The following TMEM132B variants were observed in gnomAD, a reference collection of about 807,000 sequenced individuals.
TMEM132B encodes transmembrane protein 132B.
TMEM132B carries 18 observed loss-of-function variants against 90.8 expected under a neutral mutation model. The observed-to-expected ratio is 0.20, with a 90% confidence interval of 0.14 to 0.29. The LOEUF (loss-of-function observed/expected upper bound fraction) is 0.29. Among genes scored for constraint, TMEM132B ranks in the 10% least tolerant of loss-of-function variants. The pLI is 1.00. For missense variants in TMEM132B, 1,096 were observed against 1,326.8 expected (o/e 0.83, Z 2.70); for synonymous variants, 504 against 523.3 (o/e 0.96, Z 0.50).
chr12:125,395,003 T>C (rs1449372904), intron 2 of TMEM132B, among the ~76,000 whole-genome samples: 4 of 152,150 alleles, frequency 2.6e-5, no homozygotes, highest in Non-Finnish European at 1.5e-5. Flanking sequence ...AATGTACCCA[T>C]GTGACAAACC....
intron 1 of TMEM132B, among the ~76,000 whole-genome samples, chr12:125,314,085 G>A (rs139839002): frequency 1.5e-3 from 224 of 152,156 alleles, no homozygotes; most frequent in African/African-American, 5.0e-3. Flanking sequence ...CCTGGGCGGC[G>A]TGCGAACTCA....
chr12:125,340,875 C>T (rs1877157600), intron 1 of TMEM132B, among the ~76,000 whole-genome samples: 1 of 152,220 alleles, frequency 6.6e-6, no homozygotes, highest in Non-Finnish European at 1.5e-5. Context: ...ATGGAGCCCA[C>T]CAGAGGAGGC....
intron 5 of TMEM132B, among the ~76,000 whole-genome samples, chr12:125,632,642 G>T (rs545984786): frequency 1.8e-4 from 27 of 151,984 alleles, no homozygotes; most frequent in Non-Finnish European, 3.5e-4. Context: ...ATGTTTGAAG[G>T]ATATTTTGGC....
chr12:125,345,338 G>A (rs893396042), intron 1 of TMEM132B, among the ~76,000 whole-genome samples: 30 of 152,316 alleles, frequency 2.0e-4, no homozygotes, highest in Admixed American at 1.8e-3. Context: ...GAAAGGGACT[G>A]ATTTCTGAGT....
intron 1 of TMEM132B, among the ~76,000 whole-genome samples, chr12:125,198,616 T>C (rs563351205): frequency 4.1e-4 from 62 of 152,340 alleles, no homozygotes; most frequent in African/African-American, 1.4e-3. Flanking sequence ...TCGACCATAC[T>C]TAAGTCCGAA....
At chr12:125,531,387 C>G (rs1214911718) in intron 4 of TMEM132B, among the ~76,000 whole-genome samples, 1 of 152,124 alleles carries the variant, frequency 6.6e-6, no homozygotes, top group African/African-American at 2.4e-5. Flanking sequence ...CAAAGTCTCA[C>G]TATGTTGCCC....
At chr12:125,562,209 C>T (rs980865652) in intron 4 of TMEM132B, among the ~76,000 whole-genome samples, 1 of 152,210 alleles carries the variant, frequency 6.6e-6, no homozygotes, top group Non-Finnish European at 1.5e-5. Context: ...TTTTTTTCTG[C>T]AGCTTCCTCA....
At chr12:125,511,664 A>G (rs1882980773) in intron 3 of TMEM132B, among the ~76,000 whole-genome samples, 2 of 151,940 alleles carry the variant, frequency 1.3e-5, no homozygotes, top group Non-Finnish European at 2.9e-5. Context: ...CATCCTGGCT[A>G]ACATGGTGAA....
At chr12:125,234,347 G>A (rs963177717) in intron 1 of TMEM132B, among the ~76,000 whole-genome samples, 10 of 152,088 alleles carry the variant, frequency 6.6e-5, no homozygotes, top group Non-Finnish European at 1.3e-4. Flanking sequence ...TTTCCATGGC[G>A]CTTCCTCCCA....
At chr12:125,313,541 C>T (rs553954858) in intron 1 of TMEM132B, among the ~76,000 whole-genome samples, 5 of 88,534 alleles carry the variant, frequency 5.6e-5, no homozygotes, top group Non-Finnish European at 1.1e-4. Context: ...CTCCCATTTC[C>T]CCCTCCCCTC....
At chr12:125,270,976 G>A (rs1874824280) in intron 1 of TMEM132B, among the ~76,000 whole-genome samples, 1 of 151,560 alleles carries the variant, frequency 6.6e-6, no homozygotes, top group Non-Finnish European at 1.5e-5. Context: ...AAAGAGATAG[G>A]GCCTTGCTTT....
intron 5 of TMEM132B, among the ~76,000 whole-genome samples, chr12:125,601,465 G>A (rs1253364382): frequency 6.6e-6 from 1 of 152,160 alleles, no homozygotes; most frequent in South Asian, 2.1e-4. Context: ...AGCTAAAGGA[G>A]TGTTAAGAGG....
chr12:125,331,731 A>G (rs1876779627), intron 1 of TMEM132B, among the ~76,000 whole-genome samples: 1 of 152,154 alleles, frequency 6.6e-6, no homozygotes, highest in Admixed American at 6.5e-5. Flanking sequence ...TGAATCTATA[A>G]AATGGCTATA....
At chr12:125,451,590 A>C (rs1220829696) in intron 3 of TMEM132B, among the ~76,000 whole-genome samples, 1 of 150,760 alleles carries the variant, frequency 6.6e-6, no homozygotes, top group Non-Finnish European at 1.5e-5. Context: ...TGAGAGCTCC[A>C]GTATTACATT....
chr12:125,456,429 G>A (rs1481791658), intron 3 of TMEM132B, among the ~76,000 whole-genome samples: 1 of 152,260 alleles, frequency 6.6e-6, no homozygotes, highest in East Asian at 1.9e-4. Context: ...GTCTAAAAAC[G>A]CCTCCTTGCA....
intron 2 of TMEM132B, among the ~76,000 whole-genome samples, chr12:125,373,167 AGT>A (rs1427674138): frequency 3.3e-5 from 5 of 152,196 alleles, no homozygotes; most frequent in Admixed American, 3.3e-4. Context: ...ATGTATCACC[AGT>A]GCCAAGAACT....
At chr12:125,610,841 G>A (rs1235685586) in intron 5 of TMEM132B, among the ~76,000 whole-genome samples, 2 of 152,004 alleles carry the variant, frequency 1.3e-5, no homozygotes, top group African/African-American at 2.4e-5. Context: ...TACTGATCTG[G>A]AATTTTCCTT....
At chr12:125,430,514 G>A (rs1269311776) in intron 3 of TMEM132B, among the ~76,000 whole-genome samples, 1 of 152,200 alleles carries the variant, frequency 6.6e-6, no homozygotes, top group Non-Finnish European at 1.5e-5. Flanking sequence ...GACTTTCTAG[G>A]CAGAGGGAAG....
intron 4 of TMEM132B, among the ~76,000 whole-genome samples, chr12:125,566,186 G>A (rs1429411485): frequency 6.6e-6 from 1 of 152,216 alleles, no homozygotes; most frequent in Admixed American, 6.5e-5. Flanking sequence ...GTGGTACAAT[G>A]CTTGCATTGG....
Sources: gnomAD v4.1 joint callset for allele counts (sites outside exome capture counted in the v4.1 genomes callset) on GRCh38, gnomAD v4.1.1 for gene constraint, MANE v1.5 for transcripts, NCBI Gene and HGNC (gene_info 2026-07-23, HGNC 2026-07-21) for gene names.